TTLL9: variants seen among roughly 807,000 people sequenced by gnomAD.
The protein encoded by TTLL9 is probable tubulin polyglutamylase TTLL9.
Under a neutral mutation model 65.6 loss-of-function variants are expected in TTLL9, and 47 were observed. The ratio of observed to expected loss-of-function variants is 0.72; its 90% CI spans 0.57 to 0.91. The LOEUF is 0.91. Among genes scored for constraint, TTLL9 ranks in the 40% least tolerant of loss-of-function variants. The probability of loss-of-function intolerance (pLI) is 0.00; values close to 1 mark genes in which losing one functional copy is unlikely to be tolerated. For missense variants in TTLL9, 537 were observed against 568.8 expected (o/e 0.94, Z 0.57); for synonymous variants, 179 against 204.8 (o/e 0.87, Z 1.07).
At chr20:31,933,996 C>T (rs780042121) in intron 11 of TTLL9, 138 bp downstream of exon 11, 14 of 845,342 alleles carry the variant, frequency 1.7e-5, no homozygotes, top group Non-Finnish European at 2.3e-5. Context: ...ACCCATCCCA[C>T]TTGCAGGGCT....
chr20:31,887,855 CCTCTTCTCTTCTCTT>C (rs11273358), intron 3 of TTLL9, among the ~76,000 whole-genome samples: 31 of 115,050 alleles, frequency 2.7e-4, no homozygotes, highest in African/African-American at 8.1e-4. Context: ...TATCTCCTCT[CCTCTTCTCTTCTCTT>C]CTCTTCTCTT....
intron 6 of TTLL9, among the ~76,000 whole-genome samples, chr20:31,913,849 G>A (rs981559216): frequency 7.2e-5 from 11 of 152,234 alleles, no homozygotes; most frequent in Admixed American, 1.3e-4. Flanking sequence ...AGTTCAGGCC[G>A]TCAGGGTTGG....
chr20:31,909,588 A>G (rs924523973), intron 5 of TTLL9, 149 bp from the exon 6 acceptor site: 1 of 664,610 alleles, frequency 1.5e-6, no homozygotes, highest in Non-Finnish European at 2.5e-6. Context: ...TTGACTAGCA[A>G]GCTCTTTCTG....
rs776174245 is a variant in TTLL9, at chr20:31,939,147, C to T, written c.1124C>T (p.Thr375Met). The T allele has an allele frequency of 6.8e-5, 108 of 1,583,472 alleles. No individual in the cohort carries two copies. Among genetic ancestry groups the T allele is most frequent in the Middle Eastern group, 1.7e-4 (1 of 5,950 alleles). Residue 375 changes from threonine to methionine, a missense_variant, in exon 14 of 15, where the codon ACG becomes ATG. Around this residue, in one of 3 missense-constraint regions of TTLL9, gnomAD observed 205 missense variants for 225.9 expected, o/e 0.91. Coordinates refer to ENST00000535842, the MANE Select transcript of TTLL9 (RefSeq NM_001008409.5). Reference protein sequence around the residue: ...LHVVDMEARLTGREKRVGGFD... With the variant: ...LHVVDMEARLMGREKRVGGFD... ...TGGGCCTCCTTCCTGTCCAGGCTCA[C>T]GGGAAGGGAGAAGCGAGTCGGGGGC... is the stretch of plus-strand genomic sequence containing the variant.
chr20:31,929,883 C>T (rs2063975780), intron 10 of TTLL9, among the ~76,000 whole-genome samples: 1 of 152,146 alleles, frequency 6.6e-6, no homozygotes, highest in Non-Finnish European at 1.5e-5. Flanking sequence ...AATCCTAGCA[C>T]TTTGGGAGCT....
Position 31,942,953 on chromosome 20 carries a change from A to T in TTLL9, c.1252A>T (p.Asn418Tyr). 1 of 1,614,118 alleles carries T rather than the reference A, an allele frequency of 6.2e-7. No individual in the cohort carries two copies. The highest frequency in any genetic ancestry group is 8.5e-7 in the Non-Finnish European group (1 of 1,180,008). ...CCCCACTTCCTTTCCAGGCTGCGTC[A>T]ACGATCGGAAGAAACAACTGAGGCA... is the stretch of plus-strand genomic sequence containing the variant. ...FVTNTHLGCV[N>Y]DRKKQLRQLF... The change falls in exon 15 of 15, where the codon AAC becomes TAC. Residue 418 changes from asparagine (N) to tyrosine (Y), a missense_variant. Asn to Tyr is a moderately radical substitution (Grantham distance 143, BLOSUM62 -2). Coordinates refer to ENST00000535842, the MANE Select transcript of TTLL9 (RefSeq NM_001008409.5).
At chr20:31,878,545 G>A (rs1321056786) in intron 2 of TTLL9, among the ~76,000 whole-genome samples, 1 of 152,208 alleles carries the variant, frequency 6.6e-6, no homozygotes, top group Non-Finnish European at 1.5e-5. Context: ...CAGCAGTCTT[G>A]CCAGTAGTGG....
At chr20:31,894,053 A>C (rs1016076606) in intron 3 of TTLL9, among the ~76,000 whole-genome samples, 1 of 149,956 alleles carries the variant, frequency 6.7e-6, no homozygotes, top group African/African-American at 2.5e-5. Flanking sequence ...TTGAACTTTC[A>C]ATTTCAGATA....
chr20:31,893,149 T>C, intron 3 of TTLL9, among the ~76,000 whole-genome samples: 1 of 152,150 alleles, frequency 6.6e-6, no homozygotes, highest in African/African-American at 2.4e-5. Context: ...AAAATTGTCT[T>C]TATTTCACTG....
intron 2 of TTLL9, among the ~76,000 whole-genome samples, chr20:31,885,553 G>C (rs779739132): frequency 6.6e-6 from 1 of 152,218 alleles, no homozygotes; most frequent in Non-Finnish European, 1.5e-5. Context: ...AGCTTGACTA[G>C]TGTTGGGGGA....
At chr20:31,895,698 G>A (rs1278098396) in intron 3 of TTLL9, among the ~76,000 whole-genome samples, 2 of 151,786 alleles carry the variant, frequency 1.3e-5, no homozygotes, top group African/African-American at 2.4e-5. Context: ...CACCATGCCC[G>A]GCTAGAAGCT....
intron 6 of TTLL9, among the ~76,000 whole-genome samples, chr20:31,912,869 T>C (rs1364445272): frequency 1.3e-5 from 2 of 152,144 alleles, no homozygotes; most frequent in Admixed American, 6.6e-5. Flanking sequence ...TTAAAATTAA[T>C]GATTGCAGGC....
At chr20:31,904,560 G>A (rs545446301) in intron 4 of TTLL9, among the ~76,000 whole-genome samples, 9 of 151,902 alleles carry the variant, frequency 5.9e-5, no homozygotes, top group African/African-American at 1.9e-4. Context: ...GTTTAACCAC[G>A]TTGACCAGGC....
intron 6 of TTLL9, among the ~76,000 whole-genome samples, chr20:31,914,452 G>A (rs2063703362): frequency 6.6e-6 from 1 of 152,202 alleles, no homozygotes; most frequent in Admixed American, 6.5e-5. Flanking sequence ...ATGTACCCAT[G>A]AAAGAATTGT....
intron 4 of TTLL9, among the ~76,000 whole-genome samples, chr20:31,899,462 T>C (rs1040451083): frequency 2.6e-5 from 4 of 151,726 alleles, no homozygotes; most frequent in African/African-American, 9.7e-5. Flanking sequence ...AGACCCTGTC[T>C]CTACAAAAAA....
rs2062907574 is a variant in TTLL9, at chr20:31,870,701, G to C, written c.-254G>C. The C allele has an allele frequency of 3.6e-6, 3 of 833,922 alleles. No individual in the cohort carries two copies. The highest frequency in any genetic ancestry group is 4.2e-5 in the Admixed American group (1 of 23,726). The allele number at this position is 833,922 out of a possible 1,614,324, so 51.7% of individuals were successfully genotyped here. A position where few individuals can be genotyped will look rare whatever the true frequency, so the allele number is the denominator to read the frequency against. On this transcript the variant is annotated 5_prime_UTR_variant, in exon 1 of 15. Coordinates refer to ENST00000535842, the MANE Select transcript of TTLL9 (RefSeq NM_001008409.5). This position sits in a 1 kb window ranked among gnomAD's most constrained non-coding sequence, Gnocchi z 6.6. ...GGGGCCGCGTGGGGCCGCCACCTCC[G>C]GAGGTGGGGGCGGGGGCCTTACCCC...
rs543843214 is a variant in TTLL9 at position 31,911,750 on chromosome 20, C to G, written c.504+1828C>G. ...CATATTAAATTGATTCCATTCCCAGCCCACAGCCTTTGTTAGCAGCAGACA... is the reference window on the plus strand; with the variant it reads ...CATATTAAATTGATTCCATTCCCAGGCCACAGCCTTTGTTAGCAGCAGACA... On this transcript the variant is annotated intron_variant, in intron 6 of 14. Transcript: ENST00000535842. 2.0e-5 allele frequency among the ~76,000 whole-genome samples: 3 copies of G among 152,236 alleles called. No homozygotes were observed. The South Asian group carries it at 6.2e-4, about 32-fold the overall frequency.
At chr20:31,909,955 G>T in intron 6 of TTLL9, 33 bp downstream of exon 6, 1 of 1,522,666 alleles carries the variant, frequency 6.6e-7, no homozygotes, top group Non-Finnish European at 9.1e-7. Context: ...TGGGTGGGAG[G>T]GAATGAGTCC....
intron 14 of TTLL9, chr20:31,941,058 A>G (rs1470214358): frequency 1.3e-5 from 2 of 151,966 alleles, no homozygotes; most frequent in Non-Finnish European, 2.9e-5. Context: ...TCTACTAAAA[A>G]ATACAAAAAA....
Sources: gnomAD v4.1 joint callset for allele counts (sites outside exome capture counted in the v4.1 genomes callset) on GRCh38, gnomAD v4.1.1 for gene constraint, gnomAD v4.1.1 regional missense constraint, Gnocchi (gnomAD v3.1) non-coding constraint, MANE v1.5 for transcripts, NCBI Gene and HGNC (gene_info 2026-07-23, HGNC 2026-07-21) for gene names.